LRMDA: variants seen among roughly 807,000 people sequenced by gnomAD.
The protein encoded by LRMDA is leucine rich melanocyte differentiation associated, also known as leucine-rich melanocyte differentiation-associated protein.
In LRMDA, 18 loss-of-function variants were observed where a neutral mutation model predicts 29.8. The ratio of observed to expected loss-of-function variants is 0.60; its 90% CI spans 0.42 to 0.90. The LOEUF is 0.90. LRMDA is among the 40% of genes least tolerant of loss of function. LRMDA has a pLI of 0.00. For missense variants in LRMDA, 273 were observed against 273.9 expected, an observed-to-expected ratio of 1.00 and a Z score of 0.02; for synonymous variants, 125 against 109.4, an observed-to-expected ratio of 1.14 and a Z score of -0.89.
At chr10:75,846,177 T>TGTGTGTGTGTG (rs1844633347) in intron 2 of LRMDA, among the ~76,000 whole-genome samples, 9 of 143,082 alleles carry the variant, frequency 6.3e-5, no homozygotes, top group African/African-American at 2.4e-4. Context: ...GTGTGTGTGT[T>TGTGTGTGTGTG]TGTGTGTGTG....
chr10:76,454,139 G>T (rs1842433509), intron 6 of LRMDA, among the ~76,000 whole-genome samples: 1 of 152,180 alleles, frequency 6.6e-6, no homozygotes, highest in South Asian at 2.1e-4. Context: ...CATGTAGTAT[G>T]AAGCTAAATC....
chr10:76,241,615 G>T (rs573856780), intron 5 of LRMDA, among the ~76,000 whole-genome samples: 1 of 152,160 alleles, frequency 6.6e-6, no homozygotes. Context: ...CAGATGCAGC[G>T]GAAGTGGGAG....
chr10:75,747,844 T>C (rs923047085), intron 2 of LRMDA, among the ~76,000 whole-genome samples: 1 of 152,142 alleles, frequency 6.6e-6, no homozygotes, highest in Admixed American at 6.5e-5. Flanking sequence ...CTACACTAGA[T>C]TGCTATTAGG....
intron 6 of LRMDA, among the ~76,000 whole-genome samples, chr10:76,529,057 C>T (rs571090615): frequency 3.4e-4 from 52 of 152,258 alleles, no homozygotes; most frequent in African/African-American, 1.2e-3. Flanking sequence ...AAGAAAATCT[C>T]GCATGTCAAT....
chr10:76,331,473 A>G (rs1015031780), intron 6 of LRMDA, among the ~76,000 whole-genome samples: 1 of 152,222 alleles, frequency 6.6e-6, no homozygotes, highest in Non-Finnish European at 1.5e-5. Context: ...TCAATGACTC[A>G]TTGAAAGTTC....
chr10:76,478,090 G>GA (rs771678270), intron 6 of LRMDA, among the ~76,000 whole-genome samples: 1 of 152,008 alleles, frequency 6.6e-6, no homozygotes, highest in Non-Finnish European at 1.5e-5. Flanking sequence ...CACAGCAAAA[G>GA]AAACTACCAT....
chr10:75,627,010 A>G (rs1228259241), intron 2 of LRMDA, among the ~76,000 whole-genome samples: 3 of 152,140 alleles, frequency 2.0e-5, no homozygotes, highest in Admixed American at 2.0e-4. Context: ...TGCTTCATTT[A>G]TTGATCCCAC....
intron 2 of LRMDA, among the ~76,000 whole-genome samples, chr10:75,606,520 G>T (rs546198366): frequency 6.6e-6 from 1 of 152,280 alleles, no homozygotes; most frequent in East Asian, 1.9e-4. Context: ...CTCTATTGGT[G>T]CCCTTCCAGA....
chr10:75,745,921 A>G (rs1212130385), intron 2 of LRMDA, among the ~76,000 whole-genome samples: 2 of 152,158 alleles, frequency 1.3e-5, no homozygotes, highest in African/African-American at 4.8e-5. Context: ...GATTTGTTTG[A>G]GTTACGGATT....
chr10:75,971,207 A>C (rs1269782763), intron 2 of LRMDA, among the ~76,000 whole-genome samples: 1 of 152,154 alleles, frequency 6.6e-6, no homozygotes, highest in African/African-American at 2.4e-5. Context: ...TCCTTTGGAC[A>C]TTTCCTTCTT....
intron 2 of LRMDA, among the ~76,000 whole-genome samples, chr10:75,663,808 A>T (rs1472529194): frequency 6.6e-6 from 1 of 151,888 alleles, no homozygotes; most frequent in Non-Finnish European, 1.5e-5. Context: ...CTTAGTTTAG[A>T]CCCCTATTCC....
At chr10:76,245,717 G>A (rs1852363520) in intron 5 of LRMDA, among the ~76,000 whole-genome samples, 1 of 152,160 alleles carries the variant, frequency 6.6e-6, no homozygotes, top group Non-Finnish European at 1.5e-5. Flanking sequence ...TCTGTGTGAG[G>A]GCCTGTGTTT....
chr10:75,778,104 G>A (rs1404394531), intron 2 of LRMDA, among the ~76,000 whole-genome samples: 1 of 151,908 alleles, frequency 6.6e-6, no homozygotes, highest in Non-Finnish European at 1.5e-5. Flanking sequence ...TTGAGACAGG[G>A]TCTCACTCTG....
chr10:75,875,693 A>C (rs1365319994), intron 2 of LRMDA, among the ~76,000 whole-genome samples: 1 of 152,196 alleles, frequency 6.6e-6, no homozygotes. Context: ...CAGCCTTCCA[A>C]AGTGCTGGGA....
chr10:76,032,637 G>C (rs998242515), intron 2 of LRMDA, among the ~76,000 whole-genome samples: 2 of 152,194 alleles, frequency 1.3e-5, no homozygotes, highest in Non-Finnish European at 2.9e-5. Flanking sequence ...TAAGAGGATG[G>C]TACCTGTGTG....
intron 2 of LRMDA, among the ~76,000 whole-genome samples, chr10:75,943,085 G>A (rs1281606381): frequency 6.6e-6 from 1 of 151,602 alleles, no homozygotes; most frequent in Non-Finnish European, 1.5e-5. Context: ...GTTCCAGGAT[G>A]GATGTTTCTT....
intron 2 of LRMDA, among the ~76,000 whole-genome samples, chr10:75,725,721 G>A (rs1842623574): frequency 1.3e-5 from 2 of 152,118 alleles, no homozygotes; most frequent in South Asian, 2.1e-4. Flanking sequence ...CTGTTCCTGT[G>A]TAACTTAGTC....
chr10:75,621,226 C>CACACACA (rs1554816450), intron 2 of LRMDA, among the ~76,000 whole-genome samples: 161 of 116,810 alleles, frequency 1.4e-3, no homozygotes, highest in Middle Eastern at 5.0e-3. Context: ...ACACACACAC[C>CACACACA]CACACACCCA....
chr10:75,983,983 T>G (rs1847218983), intron 2 of LRMDA, among the ~76,000 whole-genome samples: 1 of 152,106 alleles, frequency 6.6e-6, no homozygotes, highest in Non-Finnish European at 1.5e-5. Context: ...GTCCTGAGTT[T>G]CCTTTCCTCC....
Sources: allele counts gnomAD v4.1 joint callset (sites outside exome capture counted in the v4.1 genomes callset), GRCh38; gene constraint gnomAD v4.1.1; transcripts MANE v1.5; gene names NCBI Gene and HGNC (gene_info 2026-07-23, HGNC 2026-07-21).